The following STAG1 variants were observed in gnomAD, a reference collection of about 807,000 sequenced individuals.
STAG1 encodes cohesin subunit SA-1.
A neutral mutation model predicts 170.9 loss-of-function variants in STAG1; 26 were observed. That is an observed-to-expected ratio of 0.15 (90% CI 0.11 to 0.21). The LOEUF (loss-of-function observed/expected upper bound fraction) is 0.21, where lower values mean the gene tolerates loss of function less well. Ranked by LOEUF, STAG1 falls within the 10% of genes least tolerant of loss-of-function variation. The pLI is 1.00. For missense variants in STAG1, 964 were observed against 1,509.5 expected (o/e 0.64, Z 5.99); for synonymous variants, 514 against 497.7 (o/e 1.03, Z -0.44).
At chr3:136,653,366 C>T (rs1020837646) in intron 1 of STAG1, among the ~76,000 whole-genome samples, 3 of 151,806 alleles carry the variant, frequency 2.0e-5, no homozygotes, top group African/African-American at 2.4e-5. Context: ...TATTAAAATA[C>T]GTTAAAAGTT....
In STAG1 at chr3:136,623,173, T is replaced by C. The variant is rs1939941833; in HGVS notation, c.105A>G (p.Arg35=). ...ELEETEVKGK[R]KRGRPGRPPS... ...GAGGCCGGCCAGGACGACCCCTTTT[T>C]CTTTTTCCTTTGACCTCTGTTTCTT... The change falls in exon 3 of 34, where the codon AGA becomes AGG. Residue 35 remains arginine, a synonymous_variant. Coordinates refer to ENST00000383202, the MANE Select transcript of STAG1 (RefSeq NM_005862.3). 2 of 1,613,656 alleles carry C rather than the reference T, an allele frequency of 1.2e-6. No homozygotes were observed. The highest frequency in any genetic ancestry group is 1.7e-6 in the Non-Finnish European group (2 of 1,179,760).
At chr3:136,497,456 A>C (rs1933173632) in intron 9 of STAG1, among the ~76,000 whole-genome samples, 1 of 152,180 alleles carries the variant, frequency 6.6e-6, no homozygotes, top group Non-Finnish European at 1.5e-5. Context: ...TTAAAAAATA[A>C]AACAACACAC....
At chr3:136,750,611 C>T (rs780809062) in intron 1 of STAG1, among the ~76,000 whole-genome samples, 4 of 152,166 alleles carry the variant, frequency 2.6e-5, no homozygotes, top group Non-Finnish European at 5.9e-5. Flanking sequence ...AAAAGCAGTT[C>T]GTTTGTGAAA....
rs570003447 is a variant in STAG1, at chr3:136,638,391, T to A, written c.-83-7410A>T. ...CTCAGGTGATCCGCCTGCCTCAGCCTCCCAAAGTGCTGGGATTACAGGCAT... is the reference window on the plus strand; with the variant it reads ...CTCAGGTGATCCGCCTGCCTCAGCCACCCAAAGTGCTGGGATTACAGGCAT... On this transcript the variant is annotated intron_variant, in intron 1 of 33. Coordinates refer to ENST00000383202, the MANE Select transcript of STAG1 (RefSeq NM_005862.3). Among the ~76,000 whole-genome samples, 3 of 152,222 alleles carry A rather than the reference T, an allele frequency of 2.0e-5. No homozygotes were observed. The East Asian group carries it at 5.8e-4, about 30-fold the overall frequency.
At chr3:136,445,585 T>G (rs1264558535) in intron 14 of STAG1, among the ~76,000 whole-genome samples, 1 of 152,226 alleles carries the variant, frequency 6.6e-6, no homozygotes, top group African/African-American at 2.4e-5. Context: ...CAATGAACTG[T>G]ATACTTAACA....
At chr3:136,365,588 T>C (rs1289326249) in intron 25 of STAG1, among the ~76,000 whole-genome samples, 1 of 152,170 alleles carries the variant, frequency 6.6e-6, no homozygotes, top group African/African-American at 2.4e-5. Flanking sequence ...TAATTTGGAA[T>C]AAAGTTCCAG....
chr3:136,339,284 G>GT (rs1935841076), intron 32 of STAG1, among the ~76,000 whole-genome samples: 1 of 152,194 alleles, frequency 6.6e-6, no homozygotes, highest in South Asian at 2.1e-4. Context: ...GCTCACACCT[G>GT]TAATCCCAGG....
chr3:136,551,202 A>AGAGAGG (rs1936369748), intron 5 of STAG1, among the ~76,000 whole-genome samples: 1 of 56,518 alleles, frequency 1.8e-5, no homozygotes, highest in African/African-American at 9.5e-5. Context: ...AGAGGTTGAG[A>AGAGAGG]GAGAGTGAGA....
chr3:136,422,495 T>C lies in STAG1; in HGVS notation c.1952A>G (p.Gln651Arg), dbSNP rs757907993. 3.7e-6 allele frequency: 6 copies of C among 1,614,010 alleles called. No individual in the cohort carries two copies. In the African/African-American group the frequency reaches 5.3e-5, roughly 14 times the overall value. The change falls in exon 19 of 34, where the codon CAG becomes CGG. Residue 651 changes from glutamine (Q) to arginine (R), a missense_variant. This residue lies in a region of STAG1 where 232 missense variants were observed against 313.0 expected (regional missense o/e 0.74). Transcript: ENST00000383202. Reference sequence around the variant, plus strand: ...GCTTCGAGCTATGTCAACTCTGTTCTGGATGGTATATTCTTCACTGCATAA... The same window carrying C: ...GCTTCGAGCTATGTCAACTCTGTTCCGGATGGTATATTCTTCACTGCATAA... ...SILCSEEYTI[Q>R]NRVDIARSQL...
chr3:136,359,252 C>A lies in STAG1; in HGVS notation c.2832G>T (p.Arg944Ser). The A allele has an allele frequency of 1.2e-6, 2 of 1,612,494 alleles. No individual in the cohort carries two copies. Among genetic ancestry groups the A allele is most frequent in the Non-Finnish European group, 1.7e-6 (2 of 1,179,102 alleles). The stretch of plus-strand genomic sequence containing the variant: ...TAATGCCACTGACATGGGCAGATGT[C>A]CTATCTAGGTTGGGACCTTGCTCTT... ...LVQEQGPNLD[R>S]TSAHVSGIKE... The change falls in exon 27 of 34, where the codon AGG becomes AGT. Residue 944 changes from arginine to serine, a missense_variant. Coordinates refer to ENST00000383202, the MANE Select transcript of STAG1 (RefSeq NM_005862.3).
chr3:136,344,936 A>T (rs1258744245), intron 29 of STAG1, among the ~76,000 whole-genome samples: 1 of 152,044 alleles, frequency 6.6e-6, no homozygotes, highest in African/African-American at 2.4e-5. Flanking sequence ...TTCTAGAGGA[A>T]ATACAGTCAT....
At chr3:136,468,415 G>T (rs2089531029) in intron 12 of STAG1, among the ~76,000 whole-genome samples, 1 of 152,114 alleles carries the variant, frequency 6.6e-6, no homozygotes, top group Admixed American at 6.5e-5. Context: ...GGAAGAAATG[G>T]ATACATTCCT....
chr3:136,604,407 C>T lies in STAG1; in HGVS notation c.199G>A (p.Ala67Thr). Residue 67 changes from alanine to threonine, a missense_variant, in exon 4 of 34, where the codon GCA becomes ACA. This residue lies in a region of STAG1 where 108 missense variants were observed against 120.2 expected (regional missense o/e 0.90). Coordinates refer to ENST00000383202, the MANE Select transcript of STAG1 (RefSeq NM_005862.3). ...TGTCCATTAGCTCTTCCACGGCCTG[C>T]TCCTCTAATTCCAGCTTCAATTCTG... ...KSRIEAGIRG[A>T]GRGRANGHPQ... 2.5e-6 allele frequency: 4 copies of T among 1,613,950 alleles called. No homozygotes were observed. Among genetic ancestry groups the T allele is most frequent in the Non-Finnish European group, 2.5e-6 (3 of 1,179,926 alleles).
intron 16 of STAG1, among the ~76,000 whole-genome samples, chr3:136,432,631 C>T (rs971452763): frequency 5.9e-5 from 9 of 151,930 alleles, no homozygotes; most frequent in Non-Finnish European, 4.4e-5. Context: ...TTCAGCCTCT[C>T]GAGTAGCTGG....
chr3:136,690,046 A>G (rs1942667816), intron 1 of STAG1, among the ~76,000 whole-genome samples: 1 of 150,564 alleles, frequency 6.6e-6, no homozygotes, highest in Non-Finnish European at 1.5e-5. Flanking sequence ...TAACAAAAGA[A>G]AAAGCAAACC....
chr3:136,508,002 G>A (rs533095127), intron 7 of STAG1, among the ~76,000 whole-genome samples: 49 of 152,292 alleles, frequency 3.2e-4, no homozygotes, highest in African/African-American at 1.1e-3. Context: ...AACAGGAGAG[G>A]TAGTGAAGTA....
intron 4 of STAG1, among the ~76,000 whole-genome samples, chr3:136,598,494 T>C (rs1938526461): frequency 6.6e-6 from 1 of 151,738 alleles, no homozygotes; most frequent in African/African-American, 2.4e-5. Context: ...TGGCGCAATC[T>C]CGGCTCACTG....
intron 4 of STAG1, among the ~76,000 whole-genome samples, chr3:136,588,606 C>T (rs1937968953): frequency 6.6e-6 from 1 of 151,922 alleles, no homozygotes; most frequent in Non-Finnish European, 1.5e-5. Context: ...TCCCAAAATG[C>T]TGGGATTACA....
At chr3:136,493,179 T>C (rs958720862) in intron 9 of STAG1, among the ~76,000 whole-genome samples, 2 of 151,724 alleles carry the variant, frequency 1.3e-5, no homozygotes, top group Non-Finnish European at 2.9e-5. Flanking sequence ...TCGTCTCTAC[T>C]GAAAATACAA....
Sources: gnomAD v4.1 joint callset for allele counts (sites outside exome capture counted in the v4.1 genomes callset) on GRCh38, gnomAD v4.1.1 for gene constraint, gnomAD v4.1.1 regional missense constraint, MANE v1.5 for transcripts, NCBI Gene and HGNC (gene_info 2026-07-23, HGNC 2026-07-21) for gene names.